Variants in SPTAN1 observed in about 807,000 individuals in gnomAD.
SPTAN1 encodes the protein spectrin alpha chain, non-erythrocytic 1.
SPTAN1 carries 61 observed loss-of-function variants against 331.3 expected under a neutral mutation model. The observed-to-expected ratio is 0.18, with a 90% CI of 0.15 to 0.23. SPTAN1 has a LOEUF of 0.23. SPTAN1 is among the 10% of genes least tolerant of loss of function. SPTAN1 has a pLI of 1.00. For synonymous variants in SPTAN1, 1,153 were observed against 1,173.9 expected (o/e 0.98, Z 0.36); for missense variants, 2,043 against 3,147.9 (o/e 0.65, Z 8.40).
At chr9:128,599,129 C>T in intron 26 of SPTAN1, 143 bp downstream of exon 26, 3 of 861,568 alleles carry the variant, frequency 3.5e-6, no homozygotes, top group South Asian at 2.7e-5. Context: ...GTGGAAAACT[C>T]CAAAAATTGA....
At chr9:128,571,919 C>G (rs1220637652) in intron 3 of SPTAN1, among the ~76,000 whole-genome samples, 2 of 152,168 alleles carry the variant, frequency 1.3e-5, no homozygotes, top group Admixed American at 6.5e-5. Flanking sequence ...TGCAGTGGCA[C>G]AATCTCAGCT....
chr9:128,606,969 C>T (rs1490305789), intron 31 of SPTAN1, among the ~76,000 whole-genome samples: 1 of 152,100 alleles, frequency 6.6e-6, no homozygotes, highest in African/African-American at 2.4e-5. Context: ...CTCTCTTCCC[C>T]ACCCACTAGG....
intron 32 of SPTAN1, 31 bp from the exon 33 acceptor site, chr9:128,607,821 A>G (rs776538429): frequency 6.2e-6 from 10 of 1,613,454 alleles, no homozygotes; most frequent in Non-Finnish European, 8.5e-6. Flanking sequence ...ATCTGCTGCC[A>G]GTTACCTAAT....
Position 128,581,038 on chromosome 9 carries a change from C to T in SPTAN1, c.1440C>T (p.Asp480=). 2 of 1,614,044 alleles carry T rather than the reference C, an allele frequency of 1.2e-6. No individual in the cohort carries two copies. Among genetic ancestry groups the T allele is most frequent in the South Asian group, 1.1e-5 (1 of 91,086 alleles). The change falls in exon 11 of 57, where the codon GAC becomes GAT. Residue 480 remains aspartate (D), a synonymous_variant. Coordinates refer to ENST00000372739, the MANE Select transcript of SPTAN1 (RefSeq NM_001130438.3). ...TCTACCGGGACACTGAGCAGGTGGA[C>T]AACTGGATGAGCAAGCAGGAGGTAA... ...QLFYRDTEQV[D]NWMSKQEAFL...
chr9:128,564,862 G>T (rs1369896803), intron 1 of SPTAN1, among the ~76,000 whole-genome samples: 4 of 152,200 alleles, frequency 2.6e-5, no homozygotes, highest in African/African-American at 9.6e-5. Context: ...ATGGCTTGGA[G>T]TTTTAAAGGG....
chr9:128,622,455 A>G (rs1019775158), intron 45 of SPTAN1, among the ~76,000 whole-genome samples: 3 of 151,938 alleles, frequency 2.0e-5, no homozygotes, highest in Non-Finnish European at 4.4e-5. Context: ...ATGTGCCACT[A>G]TGCCCGGCTA....
chr9:128,612,841 C>T (rs1052255724), intron 39 of SPTAN1, among the ~76,000 whole-genome samples: 2 of 152,042 alleles, frequency 1.3e-5, no homozygotes, highest in East Asian at 3.9e-4. Context: ...AGGAGAATCG[C>T]TTGAACCTGG....
intron 2 of SPTAN1, among the ~76,000 whole-genome samples, chr9:128,567,875 C>T (rs887743649): frequency 2.5e-4 from 38 of 152,190 alleles, no homozygotes; most frequent in South Asian, 6.2e-4. Flanking sequence ...ATTCTCCTGC[C>T]TCAGCCTCCC....
intron 40 of SPTAN1, among the ~76,000 whole-genome samples, chr9:128,613,919 C>T (rs774947865): frequency 6.6e-6 from 1 of 151,788 alleles, no homozygotes; most frequent in Non-Finnish European, 1.5e-5. Flanking sequence ...GTAGGAGAAT[C>T]ACTTGAGCCC....
intron 19 of SPTAN1, among the ~76,000 whole-genome samples, 183 bp downstream of exon 19, chr9:128,586,148 TCTCA>T (rs1852604857): frequency 8.4e-6 from 1 of 119,542 alleles, no homozygotes; most frequent in Non-Finnish European, 1.6e-5. Context: ...GGAGACAGAG[TCTCA>T]CTCTTGCCCA....
Position 128,633,390 on chromosome 9 carries a change from G to A in SPTAN1, c.*56G>A. On this transcript the variant is annotated 3_prime_UTR_variant, in exon 57 of 57. Coordinates refer to ENST00000372739, the MANE Select transcript of SPTAN1 (RefSeq NM_001130438.3). ...CTTGCCCTGCGTCGCCTTGCTGCATGTCCGCTCCTCTGTGTGCTCTCACTT... is the reference window on the plus strand; with the variant it reads ...CTTGCCCTGCGTCGCCTTGCTGCATATCCGCTCCTCTGTGTGCTCTCACTT... 1 of 1,611,578 alleles carries A rather than the reference G, an allele frequency of 6.2e-7. No individual in the cohort carries two copies. The highest frequency in any genetic ancestry group is 8.5e-7 in the Non-Finnish European group (1 of 1,179,692).
intron 3 of SPTAN1, among the ~76,000 whole-genome samples, 182 bp from the exon 4 acceptor site, chr9:128,574,493 A>G (rs1204155133): frequency 2.0e-5 from 3 of 152,082 alleles, no homozygotes; most frequent in Non-Finnish European, 2.9e-5. Context: ...AACCACTGTG[A>G]ACTGTGGACT....
At chr9:128,578,362 C>T in intron 9 of SPTAN1, 117 bp downstream of exon 9, 1 of 1,331,318 alleles carries the variant, frequency 7.5e-7, no homozygotes, top group South Asian at 1.2e-5. Context: ...ACAGGTGTTT[C>T]TCATCATGAG....
At chr9:128,609,748 T>C in intron 37 of SPTAN1, 83 bp downstream of exon 37, 1 of 929,850 alleles carries the variant, frequency 1.1e-6, no homozygotes, top group Admixed American at 3.4e-5. Flanking sequence ...GTTATTATTG[T>C]GGTCACACGG....
chr9:128,597,216 G>A (rs966736579), intron 24 of SPTAN1, among the ~76,000 whole-genome samples: 3 of 152,098 alleles, frequency 2.0e-5, no homozygotes, highest in African/African-American at 7.2e-5. Flanking sequence ...TGGTTATGTT[G>A]CCCTAAGCTG....
intron 23 of SPTAN1, 197 bp downstream of exon 23, chr9:128,593,239 A>C: frequency 4.4e-5 from 29 of 659,350 alleles, no homozygotes; most frequent in Non-Finnish European, 5.8e-5. Flanking sequence ...TGCTTATCTC[A>C]TTGGTTGCTT....
In SPTAN1 at chr9:128,568,955, C is replaced by G. The variant is rs1850350392; in HGVS notation, c.363+58C>G. The G allele has an allele frequency of 8.7e-6, 14 of 1,609,016 alleles. No individual in the cohort carries two copies. The South Asian group carries it at 1.4e-4, about 16-fold the overall frequency. The stretch of plus-strand genomic sequence containing the variant: ...TCATCTGGGTGGAGCATTGTAGATT[C>G]ATGCATACATGTCAGTTTGGGTTCC... On this transcript the variant is annotated intron_variant, in intron 3 of 56. Transcript: ENST00000372739.
chr9:128,630,373 AAAGT>A lies in SPTAN1; in HGVS notation c.6762+3_6762+6del, dbSNP rs1554768212. On this transcript the variant is annotated splice_donor_variant and coding_sequence_variant, in exon 52 of 57. Transcript: ENST00000372739. LOFTEE classifies it high-confidence loss of function. ...CCTCGAATCCCAGCTTGAAGCTACC[AAAGT>A]AAGTGCCCGTGGGGCTCTGGCCCAG... is the stretch of plus-strand genomic sequence containing the variant. 1 of 1,612,220 alleles carries A rather than the reference AAAGT, an allele frequency of 6.2e-7. No homozygotes were observed. Among genetic ancestry groups the A allele is most frequent in the Non-Finnish European group, 8.5e-7 (1 of 1,179,968 alleles).
chr9:128,561,520 G>A (rs1408180281), intron 1 of SPTAN1, among the ~76,000 whole-genome samples: 1 of 150,828 alleles, frequency 6.6e-6, no homozygotes, highest in Non-Finnish European at 1.5e-5. Context: ...AAAATTAGCC[G>A]GGCGAGGTGG....
Sources: allele counts gnomAD v4.1 joint callset (sites outside exome capture counted in the v4.1 genomes callset), GRCh38; gene constraint gnomAD v4.1.1; transcripts MANE v1.5; gene names NCBI Gene and HGNC (gene_info 2026-07-23, HGNC 2026-07-21).